Variants in TRPV6 observed in about 807,000 individuals in gnomAD.
TRPV6 encodes the protein Alu-binding protein with zinc finger domain.
In TRPV6, 39 loss-of-function variants were observed where a neutral mutation model predicts 79.0. The observed-to-expected ratio is 0.49, with a 90% CI of 0.38 to 0.64. The LOEUF is 0.64. Among genes scored for constraint, TRPV6 ranks in the 30% least tolerant of loss-of-function variants. The probability of loss-of-function intolerance (pLI) is 0.00; values close to 1 mark genes in which losing one functional copy is unlikely to be tolerated. For missense variants in TRPV6, 813 were observed against 1,011.1 expected (o/e 0.80, Z 2.66); for synonymous variants, 373 against 391.9 (o/e 0.95, Z 0.57).
At chr7:142,876,136 G>A in intron 6 of TRPV6, 1 of 665,862 alleles carries the variant, frequency 1.5e-6, no homozygotes, top group Non-Finnish European at 2.4e-6. Context: ...GAGGCTGGAG[G>A]GCCCTGCTCT....
At chr7:142,885,193 C>G in intron 1 of TRPV6, 196 bp downstream of exon 1, 1 of 546,152 alleles carries the variant, frequency 1.8e-6, no homozygotes, top group Non-Finnish European at 3.1e-6. Context: ...CTGTGCCCAT[C>G]TCAACCCCAT....
At chr7:142,872,298 G>A (rs995726151) in intron 14 of TRPV6, 74 bp downstream of exon 14, 8 of 1,505,108 alleles carry the variant, frequency 5.3e-6, no homozygotes, top group African/African-American at 2.8e-5. Context: ...CCCAGGAGCC[G>A]GAAGCTGTCT....
chr7:142,876,051 C>G, intron 6 of TRPV6, 147 bp from the exon 7 acceptor site: 1 of 853,654 alleles, frequency 1.2e-6, no homozygotes, highest in Non-Finnish European at 1.8e-6. Flanking sequence ...GCAGAAGAAC[C>G]CACATTCACA....
chr7:142,874,665 G>T lies in TRPV6; in HGVS notation c.1407-9C>A. On this transcript the variant is annotated splice_polypyrimidine_tract_variant and intron_variant, in intron 10 of 14. Transcript: ENST00000359396. ...TGAAGGCATAGGTGATGCTGGGGGA[G>T]CAGGGAGGAGGGTGATGAGGGGAGG... is the stretch of plus-strand genomic sequence containing the variant. 1 of 1,611,310 alleles carries T rather than the reference G, an allele frequency of 6.2e-7. No homozygotes were observed. The highest frequency in any genetic ancestry group is 8.5e-7 in the Non-Finnish European group (1 of 1,178,268).
In TRPV6 at chr7:142,874,086, G is replaced by GC. The variant is rs1256685294; in HGVS notation, c.1628dup (p.Phe544LeufsTer85). 6.2e-7 allele frequency: 1 copy of GC among 1,613,720 alleles called. No individual in the cohort carries two copies. The highest frequency in any genetic ancestry group is 1.1e-5 in the South Asian group (1 of 90,958). ...TGGACAGATGATTACCTGAAGCAAA[G>GC]CCCAGGATGACCACAGCCATCAGCC... On this transcript the variant is annotated frameshift_variant, in exon 12 of 15. Coordinates refer to ENST00000359396, the MANE Select transcript of TRPV6 (RefSeq NM_018646.6). LOFTEE classifies it high-confidence loss of function.
intron 1 of TRPV6, chr7:142,883,301 A>G (rs1258157087): frequency 6.6e-6 from 1 of 152,222 alleles, no homozygotes; most frequent in Non-Finnish European, 1.5e-5. Context: ...AGCACCAAGA[A>G]ACGTCCACTG....
intron 1 of TRPV6, chr7:142,878,474 T>C (rs1370670952): frequency 5.3e-6 from 1 of 189,116 alleles, no homozygotes; most frequent in East Asian, 1.3e-4. Flanking sequence ...GTGCAAGGAA[T>C]TCCTGTCTCA....
In TRPV6 at chr7:142,883,937, G is replaced by A. The variant is rs1430915784; in HGVS notation, c.248+1452C>T. ...CCCATATGATCTGAGGAAAAGTGAGGGCAGACAGGACATGCGGAAGCAGCC... is the reference window on the plus strand; with the variant it reads ...CCCATATGATCTGAGGAAAAGTGAGAGCAGACAGGACATGCGGAAGCAGCC... On this transcript the variant is annotated intron_variant, in intron 1 of 14. Coordinates refer to ENST00000359396, the MANE Select transcript of TRPV6 (RefSeq NM_018646.6). The A allele has an allele frequency of 2.6e-5, 4 of 152,510 alleles. No homozygotes were observed. In the East Asian group the frequency reaches 5.8e-4, roughly 22 times the overall value. 9.4% of individuals were successfully genotyped at this position (152,510 alleles called of 1,614,324 possible).
At position 142,872,485 on chromosome 7, in the gene TRPV6, A is replaced by T; in HGVS notation, c.1909-7T>A. The T allele has an allele frequency of 6.2e-7, 1 of 1,610,460 alleles. No individual in the cohort carries two copies. The highest frequency in any genetic ancestry group is 1.3e-5 in the African/African-American group (1 of 74,970). ...TCACTGTGGTGGCCACAATCTGCGT[A>T]TGGGAACAAAAGGAGAAGTCAGAGA... On this transcript the variant is annotated splice_polypyrimidine_tract_variant and splice_region_variant and intron_variant, in intron 13 of 14. Coordinates refer to ENST00000359396, the MANE Select transcript of TRPV6 (RefSeq NM_018646.6).
chr7:142,875,895 G>T lies in TRPV6; in HGVS notation c.892C>A (p.His298Asn). The T allele has an allele frequency of 6.3e-7, 1 of 1,583,186 alleles. No homozygotes were observed. The change falls in exon 7 of 15, where the codon CAC becomes AAC. Residue 298 changes from histidine to asparagine, a missense_variant. Around this residue, in one of 3 missense-constraint regions of TRPV6, gnomAD observed 555 missense variants for 631.0 expected, o/e 0.88. Transcript: ENST00000359396. ...GTGTGCTTCCGCTTCTGCATCAGGT[G>T]CTGAAACATCTAAGGGAAAGTGAAG...
chr7:142,885,547 A>G lies in TRPV6; in HGVS notation c.90T>C (p.Pro30=), dbSNP rs201589315. ...GTAGGGCCGGCTCCTTGGGGGCCTG[A>G]GGCCGAGGCCAGACCCTGACGGGAC... The change falls in exon 1 of 15, where the codon CCT becomes CCC. Residue 30 remains proline, a synonymous_variant. Coordinates refer to ENST00000359396, the MANE Select transcript of TRPV6 (RefSeq NM_018646.6). 17 of 1,580,920 alleles carry G rather than the reference A, an allele frequency of 1.1e-5. No homozygotes were observed. The highest frequency in any genetic ancestry group is 1.5e-5 in the Non-Finnish European group (17 of 1,161,974).
At chr7:142,874,718 C>G in intron 10 of TRPV6, 62 bp from the exon 11 acceptor site, 1 of 1,581,946 alleles carries the variant, frequency 6.3e-7, no homozygotes, top group Non-Finnish European at 8.6e-7. Flanking sequence ...GACCTGACAG[C>G]AAGAATGTAG....
chr7:142,872,451 G>A lies in TRPV6; in HGVS notation c.1936C>T (p.Arg646Trp), dbSNP rs543716080. 3.9e-5 allele frequency: 63 copies of A among 1,614,020 alleles called. No homozygotes were observed. The highest frequency in any genetic ancestry group is 1.1e-4 in the East Asian group (5 of 44,878). The change falls in exon 14 of 15, where the codon CGG becomes TGG. Residue 646 changes from arginine (R) to tryptophan (W), a missense_variant. Around this residue, in one of 3 missense-constraint regions of TRPV6, gnomAD observed 164 missense variants for 186.1 expected, o/e 0.88. Transcript: ENST00000359396. ...GGCCACAGGCAGCGAGGCAGCTTCC[G>A]CTCCAGCATCACTGTGGTGGCCACA...
intron 4 of TRPV6, 122 bp downstream of exon 4, chr7:142,877,020 A>C (rs925013437): frequency 4.8e-6 from 7 of 1,464,154 alleles, no homozygotes; most frequent in Non-Finnish European, 6.4e-6. Flanking sequence ...AAGCCCTAGA[A>C]GGATTGCTCC....
intron 1 of TRPV6, chr7:142,879,607 A>G (rs1223109843): frequency 1.3e-5 from 2 of 152,220 alleles, no homozygotes; most frequent in Admixed American, 6.5e-5. Context: ...ATCAGAGAGG[A>G]GACATCAGCT....
chr7:142,874,865 G>C (rs754624308), intron 10 of TRPV6, 39 bp downstream of exon 10: 2 of 1,611,316 alleles, frequency 1.2e-6, no homozygotes, highest in African/African-American at 1.3e-5. Context: ...CTGGAGCCCT[G>C]TTGAGGGAAG....
chr7:142,871,773 C>A lies in TRPV6; in HGVS notation c.2232G>T (p.Arg744Ser). 3 of 1,614,192 alleles carry A rather than the reference C, an allele frequency of 1.9e-6. No homozygotes were observed. Among genetic ancestry groups the A allele is most frequent in the Non-Finnish European group, 1.7e-6 (2 of 1,180,006 alleles). Residue 744 changes from arginine (R) to serine (S), a missense_variant, in exon 15 of 15, where the codon AGG becomes AGT. This residue lies in a region of TRPV6 where 164 missense variants were observed against 186.1 expected (regional missense o/e 0.88). Coordinates refer to ENST00000359396, the MANE Select transcript of TRPV6 (RefSeq NM_018646.6). Reference sequence around the variant, plus strand: ...TGTTGATTATCCCACGCAGGTCTCTCCTCAGGGTCCCTTGCCGAAGCCTTT... The same window carrying A: ...TGTTGATTATCCCACGCAGGTCTCTACTCAGGGTCCCTTGCCGAAGCCTTT...
At position 142,872,330 on chromosome 7, in the gene TRPV6, A is replaced by T. The variant is rs1437232318; in HGVS notation, c.2015+42T>A. On this transcript the variant is annotated intron_variant, in intron 14 of 14. Transcript: ENST00000359396. ...GTCTGAGCAGGGGGATACCCTGCCG[A>T]TGAGGCTTCTCAGGGGACACCTACC... 6 of 1,603,482 alleles carry T rather than the reference A, an allele frequency of 3.7e-6. No homozygotes were observed. The South Asian group carries it at 5.5e-5, about 15-fold the overall frequency.
chr7:142,876,139 C>T (rs1453772949), intron 6 of TRPV6: 4 of 675,004 alleles, frequency 5.9e-6, no homozygotes, highest in African/African-American at 1.8e-5. Flanking sequence ...GCTGGAGGGC[C>T]CTGCTCTGGG....
Sources: gnomAD v4.1 joint callset for allele counts on GRCh38, gnomAD v4.1.1 for gene constraint, gnomAD v4.1.1 regional missense constraint, MANE v1.5 for transcripts, NCBI Gene and HGNC (gene_info 2026-07-23, HGNC 2026-07-21) for gene names.